CNST: variants seen among roughly 807,000 people sequenced by gnomAD.
CNST encodes consortin.
CNST carries 39 observed loss-of-function variants against 72.4 expected under a neutral mutation model. That is an observed-to-expected ratio of 0.54 (90% CI 0.42 to 0.70). The LOEUF (loss-of-function observed/expected upper bound fraction) is 0.70. Ranked by LOEUF, CNST falls within the 30% of genes least tolerant of loss-of-function variation. CNST has a pLI of 0.00. For missense variants in CNST, 871 were observed against 868.5 expected (o/e 1.00, Z -0.04); for synonymous variants, 332 against 320.1 (o/e 1.04, Z -0.40).
At chr1:246,582,400 G>A (rs1036062729) in intron 1 of CNST, among the ~76,000 whole-genome samples, 10 of 150,604 alleles carry the variant, frequency 6.6e-5, no homozygotes, top group Non-Finnish European at 1.5e-4. Context: ...CCAGCCTGGA[G>A]TGCAGTGGTG....
At chr1:246,616,493 G>A (rs1372433642) in intron 2 of CNST, among the ~76,000 whole-genome samples, 5 of 152,152 alleles carry the variant, frequency 3.3e-5, no homozygotes, top group Non-Finnish European at 2.9e-5. Flanking sequence ...GGGAGGTTGA[G>A]GCTTCAGTGA....
chr1:246,664,582 A>G (rs577758419), intron 10 of CNST, among the ~76,000 whole-genome samples: 1 of 152,138 alleles, frequency 6.6e-6, no homozygotes, highest in South Asian at 2.1e-4. Flanking sequence ...ACCTGCCACC[A>G]CGCCCAGCTG....
chr1:246,591,873 A>G lies in CNST; in HGVS notation c.311A>G (p.Lys104Arg). ...ASRDEQAFLG[K>R]DKKIPGKRSP... ...AGAGATGAACAGGCCTTCTTGGGAAAGGACAAAAAAATTCCTGGAAAAAGA... is the reference window on the plus strand; with the variant it reads ...AGAGATGAACAGGCCTTCTTGGGAAGGGACAAAAAAATTCCTGGAAAAAGA... Residue 104 changes from lysine (K) to arginine (R), a missense_variant, in exon 2 of 11, where the codon AAG becomes AGG. Physicochemically the swap from Lys to Arg is conservative, Grantham distance 26. Coordinates refer to ENST00000366513, the MANE Select transcript of CNST (RefSeq NM_152609.3). The G allele has an allele frequency of 6.2e-7, 1 of 1,614,116 alleles. No individual in the cohort carries two copies. The highest frequency in any genetic ancestry group is 2.2e-5 in the East Asian group (1 of 44,884).
chr1:246,645,930 C>A (rs916237435), intron 8 of CNST, among the ~76,000 whole-genome samples: 1 of 152,066 alleles, frequency 6.6e-6, no homozygotes, highest in Non-Finnish European at 1.5e-5. Flanking sequence ...AGAATTCAAA[C>A]CCATTTCTAC....
chr1:246,610,324 A>G (rs1375791091), intron 2 of CNST, among the ~76,000 whole-genome samples: 1 of 151,980 alleles, frequency 6.6e-6, no homozygotes, highest in East Asian at 1.9e-4. Flanking sequence ...TCTTTTTTAT[A>G]TTTTCTGTCT....
intron 1 of CNST, 85 bp downstream of exon 1, chr1:246,566,748 C>G (rs1055138120): frequency 2.5e-6 from 1 of 399,276 alleles, no homozygotes; most frequent in Non-Finnish European, 4.4e-6. Flanking sequence ...CGCTCCTCCC[C>G]CTGCGCTGTC....
At chr1:246,567,041 C>T (rs531247691) in intron 1 of CNST, among the ~76,000 whole-genome samples, 1 of 142,082 alleles carries the variant, frequency 7.0e-6, no homozygotes, top group African/African-American at 2.5e-5. Context: ...ATTTCCCCCC[C>T]ACACCTGGTC....
intron 6 of CNST, among the ~76,000 whole-genome samples, chr1:246,640,568 G>A (rs758242384): frequency 1.6e-4 from 24 of 152,148 alleles, no homozygotes; most frequent in Non-Finnish European, 3.1e-4. Flanking sequence ...CAAATTTCTG[G>A]AATTTAGAAC....
intron 1 of CNST, among the ~76,000 whole-genome samples, chr1:246,573,655 CAA>C (rs1406513906): frequency 2.0e-5 from 3 of 152,142 alleles, no homozygotes; most frequent in African/African-American, 7.2e-5. Flanking sequence ...CCTGAAGCCT[CAA>C]AGAGAACAGC....
At chr1:246,604,247 C>A (rs1185307130) in intron 2 of CNST, among the ~76,000 whole-genome samples, 1 of 151,216 alleles carries the variant, frequency 6.6e-6, no homozygotes, top group African/African-American at 2.4e-5. Flanking sequence ...ACGCAAGACT[C>A]CATCTCAAAA....
rs146636958 is a variant in CNST, at chr1:246,588,828, A to G, written c.-51-2684A>G. Among the ~76,000 whole-genome samples the G allele has an allele frequency of 4.7e-3, 720 of 152,324 alleles. 9 individuals are homozygous for G. The highest frequency in any genetic ancestry group is 0.016 in the African/African-American group (676 of 41,580). On this transcript the variant is annotated intron_variant, in intron 1 of 10. Coordinates refer to ENST00000366513, the MANE Select transcript of CNST (RefSeq NM_152609.3). ...AATTTTCATTGGAAATGCTTGAACT[A>G]TATTTCAATTTCATAAAATGTACAG...
intron 10 of CNST, among the ~76,000 whole-genome samples, chr1:246,661,320 G>A (rs1003043467): frequency 6.6e-6 from 1 of 151,874 alleles, no homozygotes; most frequent in Admixed American, 6.6e-5. Context: ...GTTTTGCCAT[G>A]TTGGCCAGGC....
At chr1:246,566,967 G>C (rs1338727985) in intron 1 of CNST, among the ~76,000 whole-genome samples, 3 of 152,104 alleles carry the variant, frequency 2.0e-5, no homozygotes, top group South Asian at 2.1e-4. Flanking sequence ...CGGCTTCCAC[G>C]GTCTCCGTTC....
At chr1:246,661,031 G>A (rs937916357) in intron 10 of CNST, among the ~76,000 whole-genome samples, 2 of 151,580 alleles carry the variant, frequency 1.3e-5, no homozygotes, top group African/African-American at 2.4e-5. Flanking sequence ...TTGCAGTGGC[G>A]CAAATCACTG....
chr1:246,637,715 C>T (rs1032611204), intron 6 of CNST, among the ~76,000 whole-genome samples: 29 of 152,108 alleles, frequency 1.9e-4, no homozygotes, highest in South Asian at 4.1e-4. Flanking sequence ...TTCCTAAGGA[C>T]GTGGAGACAA....
chr1:246,637,152 T>C (rs909142518), intron 6 of CNST, among the ~76,000 whole-genome samples: 19 of 152,218 alleles, frequency 1.2e-4, no homozygotes, highest in Admixed American at 9.2e-4. Flanking sequence ...CAACCACTTA[T>C]CTGTTAATGT....
intron 3 of CNST, among the ~76,000 whole-genome samples, chr1:246,629,524 T>C (rs1306524514): frequency 6.6e-6 from 1 of 152,210 alleles, no homozygotes; most frequent in South Asian, 2.1e-4. Flanking sequence ...ATAATAGTTA[T>C]GGACCCCATC....
chr1:246,610,979 A>G (rs76185924), intron 2 of CNST, among the ~76,000 whole-genome samples: 6,001 of 151,986 alleles, frequency 0.039, 372 homozygotes, highest in African/African-American at 0.13. Flanking sequence ...TGATCACCTG[A>G]CAATATTTTC....
intron 2 of CNST, among the ~76,000 whole-genome samples, chr1:246,603,592 A>G (rs1662456628): frequency 6.6e-6 from 1 of 152,222 alleles, no homozygotes; most frequent in Non-Finnish European, 1.5e-5. Context: ...ACAAATGAAA[A>G]GCAGGTAGAG....
Sources: allele counts gnomAD v4.1 joint callset (sites outside exome capture counted in the v4.1 genomes callset), GRCh38; gene constraint gnomAD v4.1.1; transcripts MANE v1.5; gene names NCBI Gene and HGNC (gene_info 2026-07-23, HGNC 2026-07-21).